POLA1: variants seen among roughly 807,000 people sequenced by gnomAD.
The protein encoded by POLA1 is DNA polymerase alpha catalytic subunit.
Under a neutral mutation model 124.0 loss-of-function variants are expected in POLA1, and 15 were observed. The observed-to-expected ratio is 0.12, with a 90% CI of 0.08 to 0.19. The LOEUF (loss-of-function observed/expected upper bound fraction) is 0.19. POLA1 is among the 10% of genes least tolerant of loss of function. POLA1 has a pLI of 1.00. For missense variants in POLA1, 886 were observed against 1,103.4 expected, an observed-to-expected ratio of 0.80 and a Z score of 2.79; for synonymous variants, 408 against 389.4, an observed-to-expected ratio of 1.05 and a Z score of -0.56.
chrX:24,803,454 A>G (rs2045749620), intron 26 of POLA1, among the ~76,000 whole-genome samples: 1 of 111,189 alleles, frequency 9.0e-6, no homozygotes, highest in Admixed American at 9.6e-5. Context: ...ATCTTGATAT[A>G]TATGTAGATG....
intron 10 of POLA1, among the ~76,000 whole-genome samples, chrX:24,722,615 AG>A (rs1374126129): frequency 8.8e-6 from 1 of 113,005 alleles, no homozygotes; most frequent in Non-Finnish European, 1.9e-5. Flanking sequence ...TGGTTTTTAT[AG>A]GTAAATACAA....
chrX:24,953,394 TC>T (rs1293317734), intron 36 of POLA1, among the ~76,000 whole-genome samples: 2 of 112,100 alleles, frequency 1.8e-5, no homozygotes, highest in African/African-American at 6.5e-5. Flanking sequence ...AAGAGCAAGA[TC>T]ATTTCAGATA....
At chrX:24,793,123 A>G (rs1412959431) in intron 26 of POLA1, among the ~76,000 whole-genome samples, 5 of 109,048 alleles carry the variant, frequency 4.6e-5, no homozygotes, top group Non-Finnish European at 7.6e-5. Context: ...CGAAAAATAC[A>G]AAAATTAGCC....
At chrX:24,990,135 T>A (rs2048519124) in intron 36 of POLA1, among the ~76,000 whole-genome samples, 1 of 111,955 alleles carries the variant, frequency 8.9e-6, no homozygotes, top group Admixed American at 9.4e-5. Flanking sequence ...GGTAACAGAG[T>A]TAAATGTACC....
At chrX:24,829,415 C>G (rs1022930682) in intron 32 of POLA1, among the ~76,000 whole-genome samples, 2 of 111,609 alleles carry the variant, frequency 1.8e-5, no homozygotes, top group African/African-American at 3.3e-5. Flanking sequence ...GTCCTCTTCT[C>G]TCATCCTACC....
At chrX:24,859,406 A>G (rs1391467644) in intron 34 of POLA1, among the ~76,000 whole-genome samples, 1 of 111,074 alleles carries the variant, frequency 9.0e-6, no homozygotes, top group Non-Finnish European at 1.9e-5. Context: ...ATGCTTGACT[A>G]TCTCCACACT....
Position 24,716,824 on chromosome X carries a change from G to A in POLA1, c.619-60G>A, listed in dbSNP as rs1929872488. On this transcript the variant is annotated intron_variant, in intron 7 of 36. Coordinates refer to ENST00000379068, the MANE Select transcript of POLA1 (RefSeq NM_001330360.2). ...CTGTCATTATCTTTGGTCAGGGTAG[G>A]ACAGTTGCATATTTTTAGTATGTAG... 22 of 673,082 alleles carry A rather than the reference G, an allele frequency of 3.3e-5. No homozygotes were observed. In the South Asian group the frequency reaches 5.5e-4, roughly 17 times the overall value. 55.5% of individuals were successfully genotyped at this position (673,082 alleles called of 1,213,427 possible).
chrX:24,990,537 T>C (rs1476373491), intron 36 of POLA1, among the ~76,000 whole-genome samples: 2 of 112,477 alleles, frequency 1.8e-5, no homozygotes, highest in African/African-American at 6.5e-5. Context: ...CAAAGAACAT[T>C]TTGCTGGTCT....
At chrX:24,984,234 C>G (rs1737163821) in intron 36 of POLA1, among the ~76,000 whole-genome samples, 1 of 112,229 alleles carries the variant, frequency 8.9e-6, no homozygotes, top group Non-Finnish European at 1.9e-5. Context: ...AAATGCTGAG[C>G]AGTGTGGGGA....
intron 26 of POLA1, among the ~76,000 whole-genome samples, chrX:24,763,372 A>AT (rs1932832912): frequency 9.0e-6 from 1 of 111,584 alleles, no homozygotes; most frequent in Non-Finnish European, 1.9e-5. Flanking sequence ...TTTCACTGAG[A>AT]TGAAGAGCAC....
intron 10 of POLA1, among the ~76,000 whole-genome samples, chrX:24,722,169 A>G (rs1467640157): frequency 8.9e-6 from 1 of 112,188 alleles, no homozygotes; most frequent in East Asian, 2.8e-4. Context: ...TGCATGTACC[A>G]GAATTTTCTT....
intron 32 of POLA1, among the ~76,000 whole-genome samples, chrX:24,834,853 A>G (rs1286475441): frequency 1.8e-5 from 2 of 110,985 alleles, no homozygotes; most frequent in Non-Finnish European, 3.8e-5. Context: ...ATATGGTAGT[A>G]GAGAATATAA....
At chrX:24,803,860 A>G in intron 26 of POLA1, among the ~76,000 whole-genome samples, 1 of 100,037 alleles carries the variant, frequency 1.0e-5, no homozygotes, top group Non-Finnish European at 2.0e-5. Context: ...AAAGGAAACC[A>G]ACTTGGTCCC....
intron 22 of POLA1, 73 bp from the exon 23 acceptor site, chrX:24,743,155 AAG>A (rs1311260301): frequency 1.6e-5 from 9 of 554,971 alleles, no homozygotes; most frequent in Admixed American, 9.5e-5. Flanking sequence ...GCAATTGGAA[AAG>A]AGAGAATCAT....
intron 36 of POLA1, among the ~76,000 whole-genome samples, chrX:24,953,233 C>T (rs1467481477): frequency 1.8e-5 from 2 of 112,014 alleles, no homozygotes; most frequent in Non-Finnish European, 3.8e-5. Flanking sequence ...AAAAAGAAAT[C>T]GTTAAACATC....
At chrX:24,902,512 G>A (rs995470282) in intron 35 of POLA1, among the ~76,000 whole-genome samples, 2 of 112,035 alleles carry the variant, frequency 1.8e-5, no homozygotes, top group Admixed American at 1.9e-4. Context: ...CAGTTTAGTG[G>A]TATCAGACTA....
intron 36 of POLA1, among the ~76,000 whole-genome samples, chrX:24,978,602 A>G (rs186575536): frequency 7.0e-4 from 78 of 112,147 alleles, no homozygotes; most frequent in African/African-American, 2.2e-3. Context: ...CAACTACCCT[A>G]TGAAGTAGGT....
At chrX:24,889,356 C>T (rs759091920) in intron 35 of POLA1, among the ~76,000 whole-genome samples, 1 of 112,212 alleles carries the variant, frequency 8.9e-6, no homozygotes, top group African/African-American at 3.2e-5. Context: ...GAGAAGTTTG[C>T]AGGTTCTTTG....
chrX:24,952,109 AT>A (rs760500929), intron 36 of POLA1, among the ~76,000 whole-genome samples: 15 of 111,618 alleles, frequency 1.3e-4, no homozygotes, highest in Middle Eastern at 4.6e-3. Context: ...ACATTAGACC[AT>A]TTTTTTGTGT....
Sources: gnomAD v4.1 joint callset for allele counts (sites outside exome capture counted in the v4.1 genomes callset) on GRCh38, gnomAD v4.1.1 for gene constraint, MANE v1.5 for transcripts, NCBI Gene and HGNC (gene_info 2026-07-23, HGNC 2026-07-21) for gene names.